The following SRGAP3 variants were observed in gnomAD, a reference collection of about 807,000 sequenced individuals.
SRGAP3 encodes SLIT-ROBO Rho GTPase-activating protein 3.
SRGAP3 carries 39 observed loss-of-function variants against 121.1 expected under a neutral mutation model. The ratio of observed to expected loss-of-function variants is 0.32; its 90% CI spans 0.25 to 0.42. The LOEUF (loss-of-function observed/expected upper bound fraction) is 0.42, where lower values mean the gene tolerates loss of function less well. Among genes scored for constraint, SRGAP3 ranks in the 10% least tolerant of loss-of-function variants. The pLI, the probability that SRGAP3 is intolerant of heterozygous loss-of-function variation, is 1.00. For missense variants in SRGAP3, 1,213 were observed against 1,470.6 expected, an observed-to-expected ratio of 0.82 and a Z score of 2.86; for synonymous variants, 601 against 570.0, an observed-to-expected ratio of 1.05 and a Z score of -0.77.
intron 1 of SRGAP3, among the ~76,000 whole-genome samples, chr3:9,176,214 C>G (rs1238599875): frequency 6.6e-6 from 1 of 152,184 alleles, no homozygotes; most frequent in African/African-American, 2.4e-5. Context: ...GCAACCACAA[C>G]CAGCCTAGCT....
chr3:9,029,059 G>A (rs549089873), intron 12 of SRGAP3, among the ~76,000 whole-genome samples: 1 of 152,254 alleles, frequency 6.6e-6, no homozygotes, highest in South Asian at 2.1e-4. Context: ...CCAGTTCTCA[G>A]CATCTCGACA....
chr3:9,055,389 C>G (rs1165855836), intron 8 of SRGAP3, among the ~76,000 whole-genome samples: 1 of 152,182 alleles, frequency 6.6e-6, no homozygotes, highest in Non-Finnish European at 1.5e-5. Flanking sequence ...ATCCTGGTGT[C>G]CTTTCTCCAG....
rs542000265 is a variant in SRGAP3 at position 9,176,767 on chromosome 3, C to G, written c.68-51850G>C. On this transcript the variant is annotated intron_variant, in intron 1 of 21. Coordinates refer to ENST00000383836, the MANE Select transcript of SRGAP3 (RefSeq NM_014850.4). ...CACACTTTTAAACAGCTGTATCTCT[C>G]AAGAACTCACTCACTCATCACCAAG... Among the ~76,000 whole-genome samples, 32 of 152,270 alleles carry G rather than the reference C, an allele frequency of 2.1e-4. No homozygotes were observed. The South Asian group carries it at 6.0e-3, about 29-fold the overall frequency.
chr3:8,982,537 T>A lies in SRGAP3; in HGVS notation c.*2982A>T. 1 of 223,632 alleles carries A rather than the reference T, an allele frequency of 4.5e-6. No individual in the cohort carries two copies. Among genetic ancestry groups the A allele is most frequent in the Admixed American group, 5.7e-5 (1 of 17,436 alleles). The allele number at this position is 223,632 out of a possible 1,614,324, so 13.9% of individuals were successfully genotyped here. On this transcript the variant is annotated 3_prime_UTR_variant, in exon 22 of 22. Transcript: ENST00000383836. Reference sequence around the variant, plus strand: ...TGTAGCCTTTTTAAAAATTACAATTTCACATTTTAACAGTTACTTTCCAGC... The same window carrying A: ...TGTAGCCTTTTTAAAAATTACAATTACACATTTTAACAGTTACTTTCCAGC...
intron 1 of SRGAP3, among the ~76,000 whole-genome samples, chr3:9,155,858 C>G (rs1432060902): frequency 6.6e-6 from 1 of 152,202 alleles, no homozygotes; most frequent in Non-Finnish European, 1.5e-5. Flanking sequence ...CTCTGTCGCC[C>G]AGGCTGGAGT....
intron 3 of SRGAP3, among the ~76,000 whole-genome samples, chr3:9,261,699 G>A (rs1395600396): frequency 5.9e-5 from 9 of 151,902 alleles, no homozygotes; most frequent in Non-Finnish European, 1.3e-4. Context: ...ATGAGACTAT[G>A]TGAAAAGACC....
At chr3:9,040,602 C>T (rs959331806) in intron 10 of SRGAP3, among the ~76,000 whole-genome samples, 9 of 151,424 alleles carry the variant, frequency 5.9e-5, no homozygotes, top group African/African-American at 1.2e-4. Context: ...CTCTGTTGTC[C>T]GCTCAGGCTG....
chr3:9,254,556 G>A (rs1387379558), upstream of SRGAP3, among the ~76,000 whole-genome samples: 2 of 152,096 alleles, frequency 1.3e-5, no homozygotes, highest in African/African-American at 4.8e-5. Context: ...TATTTTGTGG[G>A]GCAAAGGCAG....
chr3:9,027,975 G>A, intron 12 of SRGAP3: 1 of 1,117,768 alleles, frequency 8.9e-7, no homozygotes, highest in East Asian at 2.4e-5. Context: ...GATTGACTGT[G>A]CCCAGGGACA....
chr3:9,014,109 C>G (rs1559914496), intron 15 of SRGAP3: 9 of 505,586 alleles, frequency 1.8e-5, no homozygotes, highest in Non-Finnish European at 3.3e-5. Flanking sequence ...GGGAGATGCC[C>G]TCTTGGACCT....
At chr3:9,256,570 A>G (rs921427413) in intron 3 of SRGAP3, among the ~76,000 whole-genome samples, 1 of 151,986 alleles carries the variant, frequency 6.6e-6, no homozygotes, top group Non-Finnish European at 1.5e-5. Flanking sequence ...TCTAGAGCTG[A>G]TATTTGCAGC....
At chr3:9,260,543 C>T (rs750500970) in intron 3 of SRGAP3, among the ~76,000 whole-genome samples, 11 of 152,202 alleles carry the variant, frequency 7.2e-5, no homozygotes, top group Non-Finnish European at 1.0e-4. Flanking sequence ...GAAGTTCAAA[C>T]GATGCGGAAC....
chr3:9,187,759 G>A (rs1951642762), intron 1 of SRGAP3, among the ~76,000 whole-genome samples: 3 of 152,120 alleles, frequency 2.0e-5, no homozygotes, highest in African/African-American at 7.2e-5. Context: ...TTACCCTCAG[G>A]CTCGATCTCA....
At chr3:9,044,462 G>A (rs905669012) in intron 10 of SRGAP3, among the ~76,000 whole-genome samples, 10 of 152,336 alleles carry the variant, frequency 6.6e-5, no homozygotes, top group South Asian at 2.1e-4. Flanking sequence ...TTTGCTCAGC[G>A]TGCTCATCAT....
At chr3:9,297,433 C>A (rs899677060) in intron 3 of SRGAP3, among the ~76,000 whole-genome samples, 7 of 152,108 alleles carry the variant, frequency 4.6e-5, no homozygotes, top group African/African-American at 1.7e-4. Context: ...AAACTAATTA[C>A]ATAATATTAT....
At chr3:9,275,959 A>G (rs181865886) in intron 3 of SRGAP3, among the ~76,000 whole-genome samples, 526 of 152,194 alleles carry the variant, frequency 3.5e-3, no homozygotes, top group Non-Finnish European at 5.8e-3. Context: ...CAACACTACC[A>G]GAGGCTGAGG....
intron 1 of SRGAP3, among the ~76,000 whole-genome samples, chr3:9,198,436 T>A (rs1951973686): frequency 6.6e-6 from 1 of 152,220 alleles, no homozygotes; most frequent in African/African-American, 2.4e-5. Context: ...CCTCTCCTTA[T>A]ACAAGGTTCT....
chr3:9,153,351 T>A (rs558518537), intron 1 of SRGAP3, among the ~76,000 whole-genome samples: 9 of 152,314 alleles, frequency 5.9e-5, no homozygotes, highest in African/African-American at 2.2e-4. Flanking sequence ...CCTCACAGCA[T>A]CCTTGAGAGG....
At chr3:9,281,964 C>A (rs1271555331) in intron 3 of SRGAP3, among the ~76,000 whole-genome samples, 2 of 152,202 alleles carry the variant, frequency 1.3e-5, no homozygotes, top group Admixed American at 6.6e-5. Flanking sequence ...CTGTGCTCAA[C>A]CTGATAATGT....
Sources: gnomAD v4.1 joint callset for allele counts (sites outside exome capture counted in the v4.1 genomes callset) on GRCh38, gnomAD v4.1.1 for gene constraint, MANE v1.5 for transcripts, NCBI Gene and HGNC (gene_info 2026-07-23, HGNC 2026-07-21) for gene names.